The following FER1L6 variants were observed in gnomAD, a reference collection of about 807,000 sequenced individuals.
FER1L6 encodes fer-1-like protein 6.
FER1L6 carries 177 observed loss-of-function variants against 219.2 expected under a neutral mutation model. That is an observed-to-expected ratio of 0.81 (90% CI 0.71 to 0.91). The LOEUF (loss-of-function observed/expected upper bound fraction) is 0.91. Ranked by LOEUF, FER1L6 falls within the 40% of genes least tolerant of loss-of-function variation. The probability of loss-of-function intolerance (pLI) is 0.00; values close to 1 mark genes in which losing one functional copy is unlikely to be tolerated. For missense variants in FER1L6, 2,153 were observed against 2,259.9 expected (o/e 0.95, Z 0.96); for synonymous variants, 768 against 824.3 (o/e 0.93, Z 1.17).
chr8:123,950,808 G>A (rs370510328), intron 1 of FER1L6, among the ~76,000 whole-genome samples: 179 of 152,284 alleles, frequency 1.2e-3, no homozygotes, highest in African/African-American at 4.3e-3. Context: ...CCGTGAGACT[G>A]GGAGCCAGGG....
chr8:124,118,897 T>A lies in FER1L6; in HGVS notation c.5343T>A (p.Asn1781Lys). ...TTACAGCAGAAGAAGCTGAGAAAAA[T>A]CCTGTTGGAAAAGCCCGAAAGGAGC... Reference protein sequence around the residue: ...HLVTAEEAEKNPVGKARKEPE... With the variant: ...HLVTAEEAEKKPVGKARKEPE... The change falls in exon 40 of 41, where the codon AAT (asparagine) becomes AAA (lysine). Residue 1781 changes from asparagine to lysine, a missense_variant. Physicochemically the swap from Asn to Lys is moderately conservative, Grantham distance 94 (BLOSUM62 0). Transcript: ENST00000522917. The A allele has an allele frequency of 6.2e-7, 1 of 1,613,832 alleles. No homozygotes were observed. The highest frequency in any genetic ancestry group is 8.5e-7 in the Non-Finnish European group (1 of 1,179,910).
At chr8:123,889,160 T>C (rs1009995970) in intron 1 of FER1L6, among the ~76,000 whole-genome samples, 4 of 152,218 alleles carry the variant, frequency 2.6e-5, no homozygotes, top group Non-Finnish European at 5.9e-5. Context: ...AAGACTAATT[T>C]AATGTTGTTG....
intron 12 of FER1L6, among the ~76,000 whole-genome samples, chr8:124,002,540 A>T (rs1324352811): frequency 2.6e-5 from 4 of 152,332 alleles, no homozygotes; most frequent in South Asian, 2.1e-4. Context: ...TTGAAATTAG[A>T]TTACAAAATG....
chr8:124,095,013 A>G lies in FER1L6; in HGVS notation c.4670A>G (p.His1557Arg). ...CACATAGAAACTCGGCCACTGTACC[A>G]CAAGGATAAGCCAGGAATGGAGCAG... ...PEHIETRPLY[H>R]KDKPGMEQGR... Residue 1557 changes from histidine to arginine, a missense_variant, in exon 35 of 41, where the codon CAC (histidine) becomes CGC (arginine). Coordinates refer to ENST00000522917, the MANE Select transcript of FER1L6 (RefSeq NM_001039112.2). 1 of 1,614,144 alleles carries G rather than the reference A, an allele frequency of 6.2e-7. No individual in the cohort carries two copies. The highest frequency in any genetic ancestry group is 1.1e-5 in the South Asian group (1 of 91,072).
intron 39 of FER1L6, among the ~76,000 whole-genome samples, chr8:124,103,544 AT>A (rs562672145): frequency 2.0e-5 from 3 of 152,172 alleles, no homozygotes; most frequent in South Asian, 2.1e-4. Flanking sequence ...CCTGGCATTA[AT>A]TTTTTTTCAA....
At chr8:124,011,002 A>C (rs1333420749) in intron 14 of FER1L6, among the ~76,000 whole-genome samples, 2 of 152,098 alleles carry the variant, frequency 1.3e-5, no homozygotes, top group African/African-American at 4.8e-5. Flanking sequence ...AAAGGGCAGG[A>C]GTTGACAACT....
At chr8:124,086,524 G>T (rs1356141482) in intron 33 of FER1L6, among the ~76,000 whole-genome samples, 1 of 149,410 alleles carries the variant, frequency 6.7e-6, no homozygotes, top group Non-Finnish European at 1.5e-5. Flanking sequence ...ACTTTCTGTT[G>T]TTTCTACTTA....
At chr8:124,037,787 C>CT in intron 19 of FER1L6, among the ~76,000 whole-genome samples, 2 of 152,244 alleles carry the variant, frequency 1.3e-5, no homozygotes, top group Admixed American at 1.3e-4. Context: ...CACCCCCTGC[C>CT]TTTCCTGTCC....
chr8:124,112,542 C>G (rs1257358968), intron 39 of FER1L6, among the ~76,000 whole-genome samples: 1 of 152,200 alleles, frequency 6.6e-6, no homozygotes, highest in Non-Finnish European at 1.5e-5. Flanking sequence ...AGAAATCACT[C>G]TTTTAAGAGA....
At chr8:124,086,457 A>G (rs1028162569) in intron 33 of FER1L6, among the ~76,000 whole-genome samples, 28 of 152,062 alleles carry the variant, frequency 1.8e-4, no homozygotes, top group African/African-American at 6.5e-4. Context: ...CAAAAAAAAA[A>G]AGCAAAAATA....
At chr8:123,854,129 A>C (rs73703688) in intron 1 of FER1L6, among the ~76,000 whole-genome samples, 4,986 of 152,280 alleles carry the variant, frequency 0.033, 202 homozygotes, top group African/African-American at 0.099. Context: ...TACGGCTCCA[A>C]CATGATGCCA....
intron 39 of FER1L6, among the ~76,000 whole-genome samples, chr8:124,118,528 T>C (rs142484276): frequency 3.9e-5 from 6 of 152,320 alleles, no homozygotes; most frequent in African/African-American, 1.4e-4. Flanking sequence ...CCCTTTCTAA[T>C]TACTGTAATA....
chr8:124,097,086 TATATATATAC>T (rs764055502), intron 35 of FER1L6, among the ~76,000 whole-genome samples, 175 bp from the exon 36 acceptor site: 3,414 of 53,560 alleles, frequency 0.064, 121 homozygotes, highest in African/African-American at 0.16. Context: ...TATATATATA[TATATATATAC>T]ATACATACAT....
intron 14 of FER1L6, among the ~76,000 whole-genome samples, chr8:124,012,868 A>G (rs1360965421): frequency 6.6e-6 from 1 of 152,228 alleles, no homozygotes; most frequent in Non-Finnish European, 1.5e-5. Context: ...CAGGCCACTA[A>G]ATAGAATTCT....
chr8:123,919,288 C>A (rs1161458721), intron 1 of FER1L6, among the ~76,000 whole-genome samples: 1 of 152,204 alleles, frequency 6.6e-6, no homozygotes, highest in Non-Finnish European at 1.5e-5. Context: ...TCTTCTCATG[C>A]CTTAGGTTTG....
At chr8:124,056,302 G>C (rs1820293333) in intron 22 of FER1L6, among the ~76,000 whole-genome samples, 1 of 152,200 alleles carries the variant, frequency 6.6e-6, no homozygotes, top group Non-Finnish European at 1.5e-5. Context: ...ACTGCTATTT[G>C]GTCTATGTGG....
Position 123,893,325 on chromosome 8 carries a change from C to T in FER1L6, c.-8+41140C>T, listed in dbSNP as rs181095930. Among the ~76,000 whole-genome samples, 66 of 152,240 alleles carry T rather than the reference C, an allele frequency of 4.3e-4. 1 individual carries two copies. The East Asian group carries it at 9.1e-3, about 21-fold the overall frequency. On this transcript the variant is annotated intron_variant, in intron 1 of 40. Coordinates refer to ENST00000522917, the MANE Select transcript of FER1L6 (RefSeq NM_001039112.2). ...AATTAAAAGACTGATATGTTTACAA[C>T]GATTGCTAACCCAATATGAAGCAGA...
intron 1 of FER1L6, among the ~76,000 whole-genome samples, chr8:123,929,172 C>G (rs574554209): frequency 6.6e-6 from 1 of 152,278 alleles, no homozygotes; most frequent in East Asian, 1.9e-4. Flanking sequence ...TTACTTGAGG[C>G]CTGTTATGTG....
Position 123,980,796 on chromosome 8 carries a change from C to T in FER1L6, c.1395C>T (p.Phe465=), listed in dbSNP as rs1240595383. The change falls in exon 11 of 41, where the codon TTC becomes TTT. Residue 465 remains phenylalanine, a synonymous_variant. Transcript: ENST00000522917. The part of the protein sequence containing the change: ...TNSTEVEVES[F]DVPPEIVPEK... ...CAACCGAGGTGGAGGTGGAATCGTTCGATGTCCCCCCGGAGGTAGGTCTAG... is the reference window on the plus strand; with the variant it reads ...CAACCGAGGTGGAGGTGGAATCGTTTGATGTCCCCCCGGAGGTAGGTCTAG... 5.0e-6 allele frequency: 8 copies of T among 1,613,424 alleles called. No individual in the cohort carries two copies. Among genetic ancestry groups the T allele is most frequent in the East Asian group, 2.2e-5 (1 of 44,876 alleles).
Sources: gnomAD v4.1 joint callset for allele counts (sites outside exome capture counted in the v4.1 genomes callset) on GRCh38, gnomAD v4.1.1 for gene constraint, MANE v1.5 for transcripts, NCBI Gene and HGNC (gene_info 2026-07-23, HGNC 2026-07-21) for gene names.